PCDHA7: variants seen among roughly 807,000 people sequenced by gnomAD.
PCDHA7 encodes protocadherin alpha-7.
Under a neutral mutation model 57.2 loss-of-function variants are expected in PCDHA7, and 37 were observed. The observed-to-expected ratio is 0.65, with a 90% CI of 0.50 to 0.85. The LOEUF is 0.85. Among genes scored for constraint, PCDHA7 ranks in the 40% least tolerant of loss-of-function variants. The pLI is 0.00. For synonymous variants in PCDHA7, 553 were observed against 558.8 expected (o/e 0.99, Z 0.15); for missense variants, 1,188 against 1,241.8 (o/e 0.96, Z 0.65).
chr5:140,910,127 C>T (rs1323587900), intron 1 of PCDHA7, among the ~76,000 whole-genome samples: 5 of 152,202 alleles, frequency 3.3e-5, no homozygotes, highest in African/African-American at 1.2e-4. Context: ...GGTCTGTAAA[C>T]TGGTTTAAGT....
rs1395280300 is a variant in PCDHA7, at chr5:140,857,152, T to C, written c.2355+20414T>C. ...AAGATGCTCAAGTGGGCACCGTCAT[T>C]GCCCTAATCAGCGTTTCTGACCATG... On this transcript the variant is annotated intron_variant, in intron 1 of 3. Coordinates refer to ENST00000525929, the MANE Select transcript of PCDHA7 (RefSeq NM_018910.3). The C allele has an allele frequency of 3.8e-6, 6 of 1,598,324 alleles. 1 individual carries two copies. In the Admixed American group the frequency reaches 8.4e-5, roughly 22 times the overall value.
intron 1 of PCDHA7, chr5:140,865,913 C>G (rs2049050417): frequency 6.6e-6 from 1 of 152,098 alleles, no homozygotes; most frequent in African/African-American, 2.4e-5. Flanking sequence ...ATCTTTCTTT[C>G]TGTTGTGCTT....
chr5:140,844,739 T>G (rs1370806912), intron 1 of PCDHA7, among the ~76,000 whole-genome samples: 1 of 149,606 alleles, frequency 6.7e-6, no homozygotes, highest in Non-Finnish European at 1.5e-5. Context: ...ATATTTAGTA[T>G]TATGGGATAA....
At chr5:140,875,588 C>T in intron 1 of PCDHA7, 1 of 1,613,954 alleles carries the variant, frequency 6.2e-7, no homozygotes, top group Non-Finnish European at 8.5e-7. Flanking sequence ...TACGAGGAGG[C>T]CAAACACGGC....
Position 140,927,948 on chromosome 5 carries a change from C to T in PCDHA7, c.2356-51001C>T, listed in dbSNP as rs1012110026. The T allele has an allele frequency of 4.3e-6, 7 of 1,614,072 alleles. No homozygotes were observed. In the African/African-American group the frequency reaches 5.3e-5, roughly 12 times the overall value. On this transcript the variant is annotated intron_variant, in intron 1 of 3. Transcript: ENST00000525929. The stretch of plus-strand genomic sequence containing the variant: ...CTCTTTCGAACCCAGTACCTGAGGA[C>T]GCTGCCCCTGGCACAGTGATTGCTC...
chr5:140,976,841 A>G lies in PCDHA7; in HGVS notation c.2356-2108A>G, dbSNP rs145977857. Among the ~76,000 whole-genome samples the G allele has an allele frequency of 1.2e-3, 190 of 152,338 alleles. 1 individual carries two copies. Among genetic ancestry groups the G allele is most frequent in the African/African-American group, 4.3e-3 (178 of 41,578 alleles). ...GTGTCTAATGAGCAAAACAGATATA[A>G]TCCCTTTCATAGAGTTTACTGTCTG... On this transcript the variant is annotated intron_variant, in intron 1 of 3. Coordinates refer to ENST00000525929, the MANE Select transcript of PCDHA7 (RefSeq NM_018910.3).
chr5:140,955,889 GT>G (rs1305358742), intron 1 of PCDHA7, among the ~76,000 whole-genome samples: 2 of 151,880 alleles, frequency 1.3e-5, no homozygotes, highest in Non-Finnish European at 2.9e-5. Flanking sequence ...ATTCCTAGGT[GT>G]TTTATTCTCT....
intron 1 of PCDHA7, among the ~76,000 whole-genome samples, chr5:140,893,346 C>A (rs1368723678): frequency 6.6e-6 from 1 of 152,104 alleles, no homozygotes; most frequent in Non-Finnish European, 1.5e-5. Context: ...AGTGGCAGTG[C>A]TAATTTACAT....
chr5:140,888,197 C>T (rs190439070), intron 1 of PCDHA7, among the ~76,000 whole-genome samples: 18 of 152,162 alleles, frequency 1.2e-4, no homozygotes, highest in East Asian at 1.2e-3. Flanking sequence ...TTTACATTGT[C>T]GGATGCTGGA....
At chr5:140,880,242 G>A (rs549683370) in intron 1 of PCDHA7, among the ~76,000 whole-genome samples, 22 of 150,572 alleles carry the variant, frequency 1.5e-4, no homozygotes, top group Admixed American at 7.2e-4. Context: ...GTGTATGTGC[G>A]TGTGTGTATG....
chr5:140,968,127 C>T (rs1217974732), intron 1 of PCDHA7: 7 of 1,614,064 alleles, frequency 4.3e-6, no homozygotes, highest in Non-Finnish European at 5.9e-6. Context: ...TCCCTGCGTA[C>T]ACTGAAGGTT....
intron 3 of PCDHA7, among the ~76,000 whole-genome samples, chr5:140,997,836 A>G (rs1335199291): frequency 3.3e-5 from 5 of 152,222 alleles, no homozygotes; most frequent in South Asian, 4.1e-4. Flanking sequence ...AAACAATACA[A>G]TATACATTCT....
chr5:140,941,245 TTCTTTCTTTCTC>T (rs2092955664), intron 1 of PCDHA7, among the ~76,000 whole-genome samples: 1 of 140,868 alleles, frequency 7.1e-6, no homozygotes, highest in African/African-American at 2.6e-5. Flanking sequence ...CTTTCTTTCT[TTCTTTCTTTCTC>T]TTTCTTTCTT....
At chr5:140,929,508 A>T in intron 1 of PCDHA7, 1 of 831,408 alleles carries the variant, frequency 1.2e-6, no homozygotes, top group Non-Finnish European at 1.7e-6. Context: ...CCTAGGCCTC[A>T]AGGGACTTAT....
At chr5:140,967,085 C>T in intron 1 of PCDHA7, 1 of 1,613,198 alleles carries the variant, frequency 6.2e-7, no homozygotes, top group Non-Finnish European at 8.5e-7. Context: ...GCGCATTGAT[C>T]GGGAGGCGCT....
chr5:140,967,073 G>C (rs1554229137), intron 1 of PCDHA7: 1 of 1,613,160 alleles, frequency 6.2e-7, no homozygotes, highest in Non-Finnish European at 8.5e-7. Context: ...CTTCGTCAAC[G>C]AGCGCATTGA....
At position 140,943,102 on chromosome 5, in the gene PCDHA7, A is replaced by G. The variant is rs142380810; in HGVS notation, c.2356-35847A>G. 2.6e-3 allele frequency among the ~76,000 whole-genome samples: 391 copies of G among 151,972 alleles called. 4 individuals are homozygous for G. In the East Asian group the frequency reaches 0.045, roughly 17 times the overall value. ...TGAAATCCTGCCTCTACTAAAAAAT[A>G]CAAAAATTAGCCAGGTGTGGTAGTG... On this transcript the variant is annotated intron_variant, in intron 1 of 3. Transcript: ENST00000525929.
chr5:140,900,141 A>G (rs2067777266), intron 1 of PCDHA7, among the ~76,000 whole-genome samples: 1 of 152,202 alleles, frequency 6.6e-6, no homozygotes, highest in Middle Eastern at 3.2e-3. Context: ...ACAAATAAGT[A>G]AGAACATACG....
intron 1 of PCDHA7, among the ~76,000 whole-genome samples, chr5:140,845,265 T>C (rs1779776321): frequency 6.7e-6 from 1 of 149,658 alleles, no homozygotes; most frequent in African/African-American, 2.4e-5. Flanking sequence ...GTGTTTTCCT[T>C]TGTGAAAGTA....
Sources: gnomAD v4.1 joint callset for allele counts (sites outside exome capture counted in the v4.1 genomes callset) on GRCh38, gnomAD v4.1.1 for gene constraint, MANE v1.5 for transcripts, NCBI Gene and HGNC (gene_info 2026-07-23, HGNC 2026-07-21) for gene names.